The following WDR7 variants were observed in gnomAD, a reference collection of about 807,000 sequenced individuals.
WDR7 encodes the protein WD repeat domain 7, also known as WD repeat-containing protein 7.
In WDR7, 46 loss-of-function variants were observed where a neutral mutation model predicts 169.4. The observed-to-expected ratio is 0.27, with a 90% CI of 0.21 to 0.35. WDR7 has a LOEUF of 0.35. Ranked by LOEUF, WDR7 falls within the 10% of genes least tolerant of loss-of-function variation. The pLI is 1.00. For missense variants in WDR7, 1,534 were observed against 1,859.3 expected (o/e 0.83, Z 3.22); for synonymous variants, 612 against 666.8 (o/e 0.92, Z 1.27).
rs1350586878 is a variant in WDR7, at chr18:56,891,992, G to GTA, written c.3526+11830_3526+11831dup. On this transcript the variant is annotated intron_variant, in intron 21 of 27. Coordinates refer to ENST00000254442, the MANE Select transcript of WDR7 (RefSeq NM_015285.3). ...CTCTTACTTGTAAATAATATATGTTGTATAACAGCTTTATCATTTTTAACT... is the reference window on the plus strand; with the variant it reads ...CTCTTACTTGTAAATAATATATGTTGTATATAACAGCTTTATCATTTTTAACT... 3.3e-5 allele frequency among the ~76,000 whole-genome samples: 5 copies of GTA among 152,124 alleles called. No homozygotes were observed. The East Asian group carries it at 9.6e-4, about 29-fold the overall frequency.
chr18:56,856,127 C>G (rs1229085931), intron 20 of WDR7, among the ~76,000 whole-genome samples: 4 of 152,196 alleles, frequency 2.6e-5, no homozygotes, highest in African/African-American at 9.7e-5. Flanking sequence ...CCAAGACTGA[C>G]TCTTTAGAAC....
intron 20 of WDR7, among the ~76,000 whole-genome samples, chr18:56,864,791 C>T (rs534171999): frequency 3.3e-5 from 5 of 151,772 alleles, no homozygotes; most frequent in Non-Finnish European, 7.4e-5. Context: ...AAAATACATT[C>T]AGGATCAAAG....
intron 26 of WDR7, among the ~76,000 whole-genome samples, chr18:56,973,281 A>C (rs944340631): frequency 1.3e-5 from 2 of 152,242 alleles, no homozygotes; most frequent in African/African-American, 4.8e-5. Flanking sequence ...ATGGGATGAG[A>C]CAGAGAGTTC....
chr18:56,986,903 CT>C (rs35084447), intron 26 of WDR7, among the ~76,000 whole-genome samples: 93,960 of 151,502 alleles, frequency 0.62, 29,773 homozygotes, highest in Middle Eastern at 0.72. Context: ...AAGCAGAGGC[CT>C]TTTTTAAAAT....
chr18:56,922,473 C>T (rs2046740981), intron 21 of WDR7, among the ~76,000 whole-genome samples: 1 of 151,944 alleles, frequency 6.6e-6, no homozygotes, highest in Non-Finnish European at 1.5e-5. Context: ...TTTTCTGATC[C>T]AAAAGTAAAA....
At chr18:56,714,506 G>A (rs548332583) in intron 12 of WDR7, among the ~76,000 whole-genome samples, 1 of 147,846 alleles carries the variant, frequency 6.8e-6, no homozygotes, top group South Asian at 2.1e-4. Flanking sequence ...GTGCAATGGT[G>A]CGATCTCGGT....
chr18:57,010,236 TGAA>T, intron 26 of WDR7: 8 of 985,474 alleles, frequency 8.1e-6, no homozygotes, highest in Non-Finnish European at 9.6e-6. Context: ...TGCCCAGATC[TGAA>T]GAAAACATTT....
intron 26 of WDR7, among the ~76,000 whole-genome samples, chr18:56,965,614 G>T (rs771448472): frequency 2.6e-5 from 4 of 151,922 alleles, no homozygotes; most frequent in Non-Finnish European, 4.4e-5. Flanking sequence ...AGTTTTATTC[G>T]AACACAGGCA....
chr18:57,026,216 A>C (rs1331990220), intron 27 of WDR7, among the ~76,000 whole-genome samples: 1 of 152,378 alleles, frequency 6.6e-6, no homozygotes, highest in African/African-American at 2.4e-5. Context: ...TTCATGATTC[A>C]TAATTTCCAT....
intron 20 of WDR7, among the ~76,000 whole-genome samples, chr18:56,852,216 G>GT (rs1424436521): frequency 2.0e-5 from 3 of 152,160 alleles, no homozygotes; most frequent in Non-Finnish European, 4.4e-5. Context: ...AGATATCTCA[G>GT]TAGCTGGACC....
At chr18:56,763,360 T>G (rs1422423999) in intron 16 of WDR7, among the ~76,000 whole-genome samples, 1 of 152,222 alleles carries the variant, frequency 6.6e-6, no homozygotes, top group African/African-American at 2.4e-5. Flanking sequence ...CTGCATCTAT[T>G]GAAATGATTA....
chr18:56,922,720 A>C (rs2046744246), intron 21 of WDR7, among the ~76,000 whole-genome samples: 1 of 152,130 alleles, frequency 6.6e-6, no homozygotes, highest in South Asian at 2.1e-4. Flanking sequence ...ACTGAGAAGA[A>C]ATTCAGAATC....
At chr18:56,700,504 C>T (rs2025805171) in intron 12 of WDR7, among the ~76,000 whole-genome samples, 1 of 150,722 alleles carries the variant, frequency 6.6e-6, no homozygotes, top group Non-Finnish European at 1.5e-5. Flanking sequence ...ATCCACCCAC[C>T]TCGGCCTCTC....
chr18:56,665,043 C>G (rs1289741467), intron 1 of WDR7, among the ~76,000 whole-genome samples: 1 of 152,126 alleles, frequency 6.6e-6, no homozygotes, highest in African/African-American at 2.4e-5. Flanking sequence ...GCTGTAATCC[C>G]AGCACCTTGG....
intron 27 of WDR7, among the ~76,000 whole-genome samples, chr18:57,021,256 A>C (rs1032900730): frequency 3.3e-5 from 5 of 152,122 alleles, no homozygotes; most frequent in Non-Finnish European, 7.4e-5. Flanking sequence ...AGAAGGGGGC[A>C]CAGGTGCATG....
At chr18:56,798,950 A>C (rs2044627528) in intron 19 of WDR7, among the ~76,000 whole-genome samples, 1 of 152,196 alleles carries the variant, frequency 6.6e-6, no homozygotes, top group Non-Finnish European at 1.5e-5. Flanking sequence ...CTTGTTTTCA[A>C]TCCTTCCTCC....
At chr18:56,775,367 T>A (rs981014977) in intron 16 of WDR7, among the ~76,000 whole-genome samples, 4 of 152,142 alleles carry the variant, frequency 2.6e-5, no homozygotes, top group African/African-American at 4.8e-5. Flanking sequence ...ACCAACTTTT[T>A]GCATGGAGGA....
In WDR7 at chr18:56,776,841, T is replaced by C. The variant is rs767386158; in HGVS notation, c.2908T>C (p.Ser970Pro). ...DADHSGSDPP[S>P]APALHTCFLV... ...TGATCACTCTGGCTCTGACCCTCCT[T>C]CTGCTCCTGCTTTACATACCTGTTT... is the stretch of plus-strand genomic sequence containing the variant. Residue 970 changes from serine (S) to proline (P), a missense_variant, in exon 17 of 28, where the codon TCT becomes CCT. Coordinates refer to ENST00000254442, the MANE Select transcript of WDR7 (RefSeq NM_015285.3). 1.2e-5 allele frequency: 19 copies of C among 1,613,874 alleles called. No homozygotes were observed. The highest frequency in any genetic ancestry group is 2.2e-5 in the South Asian group (2 of 91,070).
At position 56,771,022 on chromosome 18, in the gene WDR7, T is replaced by C. The variant is rs1024975800; in HGVS notation, c.2849-5760T>C. Among the ~76,000 whole-genome samples the C allele has an allele frequency of 7.2e-5, 11 of 152,322 alleles. No individual in the cohort carries two copies. In the East Asian group the frequency reaches 1.5e-3, roughly 21 times the overall value. ...TTAGTACATACCATGCACTTTCCTC[T>C]GTGTTTTTCATTTATTCCCTACAAC... On this transcript the variant is annotated intron_variant, in intron 16 of 27. Coordinates refer to ENST00000254442, the MANE Select transcript of WDR7 (RefSeq NM_015285.3).
Sources: gnomAD v4.1 joint callset for allele counts (sites outside exome capture counted in the v4.1 genomes callset) on GRCh38, gnomAD v4.1.1 for gene constraint, MANE v1.5 for transcripts, NCBI Gene and HGNC (gene_info 2026-07-23, HGNC 2026-07-21) for gene names.